KCNK13: variants seen among roughly 807,000 people sequenced by gnomAD.
The protein encoded by KCNK13 is potassium channel subfamily K member 13.
Under a neutral mutation model 23.4 loss-of-function variants are expected in KCNK13, and 12 were observed. The observed-to-expected ratio is 0.51, with a 90% confidence interval of 0.33 to 0.83. The LOEUF is 0.83. Among genes scored for constraint, KCNK13 ranks in the 40% least tolerant of loss-of-function variants. The probability of loss-of-function intolerance (pLI) is 0.02; values close to 1 mark genes in which losing one functional copy is unlikely to be tolerated. For synonymous variants in KCNK13, 231 were observed against 229.5 expected (o/e 1.01, Z -0.06); for missense variants, 463 against 556.3 (o/e 0.83, Z 1.69).
intron 1 of KCNK13, among the ~76,000 whole-genome samples, chr14:90,166,128 C>G (rs556704349): frequency 1.3e-5 from 2 of 152,298 alleles, no homozygotes; most frequent in African/African-American, 4.8e-5. Flanking sequence ...CCCCATAGTT[C>G]AGAAGTTACC....
chr14:90,129,673 A>T (rs1398030189), intron 1 of KCNK13, among the ~76,000 whole-genome samples: 1 of 152,062 alleles, frequency 6.6e-6, no homozygotes, highest in Non-Finnish European at 1.5e-5. Context: ...GAAAAGTTCC[A>T]CTGAACCACA....
chr14:90,159,510 G>A (rs1890229295), intron 1 of KCNK13, among the ~76,000 whole-genome samples: 1 of 152,160 alleles, frequency 6.6e-6, no homozygotes, highest in Non-Finnish European at 1.5e-5. Flanking sequence ...CCAGCTGCAG[G>A]AGGGCAAAGG....
chr14:90,125,319 G>A (rs1019742969), intron 1 of KCNK13, among the ~76,000 whole-genome samples: 4 of 151,660 alleles, frequency 2.6e-5, no homozygotes, highest in Non-Finnish European at 5.9e-5. Flanking sequence ...TGCCTCCTGG[G>A]TTCACACCAT....
intron 1 of KCNK13, among the ~76,000 whole-genome samples, chr14:90,127,798 G>T (rs1409052168): frequency 9.3e-6 from 1 of 107,598 alleles, no homozygotes; most frequent in African/African-American, 3.4e-5. Context: ...CAGCCTGGTA[G>T]ACAAAGCAAG....
At chr14:90,080,474 A>G (rs1464474216) in intron 1 of KCNK13, among the ~76,000 whole-genome samples, 3 of 152,046 alleles carry the variant, frequency 2.0e-5, no homozygotes, top group African/African-American at 4.8e-5. Flanking sequence ...AAATAAATAC[A>G]TTTAAAAAAT....
chr14:90,174,853 C>A (rs2140445788), intron 1 of KCNK13, among the ~76,000 whole-genome samples: 1 of 151,208 alleles, frequency 6.6e-6, no homozygotes, highest in East Asian at 1.9e-4. Flanking sequence ...GACCCTGTTT[C>A]AAAAAAATTA....
rs555167056 is a variant in KCNK13 at position 90,160,267 on chromosome 14, T to C, written c.335-23844T>C. Among the ~76,000 whole-genome samples the C allele has an allele frequency of 1.9e-3, 284 of 152,160 alleles. 1 individual carries two copies. Among genetic ancestry groups the C allele is most frequent in the African/African-American group, 6.1e-3 (253 of 41,502 alleles). On this transcript the variant is annotated intron_variant, in intron 1 of 1. Transcript: ENST00000282146. Reference sequence around the variant, plus strand: ...AACCACTTCTGCAAAGTTAATGGAGTCTTCCTGTTGCACCTGCCCTAACTC... The same window carrying C: ...AACCACTTCTGCAAAGTTAATGGAGCCTTCCTGTTGCACCTGCCCTAACTC...
rs71117323 is a variant in KCNK13 at position 90,144,495 on chromosome 14, C to CTTTTTTTTTTT, written c.335-39609_335-39599dup. On this transcript the variant is annotated intron_variant, in intron 1 of 1. Coordinates refer to ENST00000282146, the MANE Select transcript of KCNK13 (RefSeq NM_022054.4). ...GAGAATGAAGGCTGTTTTACTTTCT[C>CTTTTTTTTTTT]TTTTTTTTTTTTTTTTTGTGAGATA... Among the ~76,000 whole-genome samples, 209 of 119,196 alleles carry CTTTTTTTTTTT rather than the reference C, an allele frequency of 1.8e-3. 6 individuals carry two copies. The highest frequency in any genetic ancestry group is 2.1e-3 in the East Asian group (8 of 3,822). 78.2% of individuals were successfully genotyped at this position (119,196 alleles called of 152,430 possible).
chr14:90,149,000 T>A (rs1182077999), intron 1 of KCNK13, among the ~76,000 whole-genome samples: 1 of 152,192 alleles, frequency 6.6e-6, no homozygotes, highest in East Asian at 1.9e-4. Flanking sequence ...ATATATTGCA[T>A]GGTGTATTAG....
intron 1 of KCNK13, among the ~76,000 whole-genome samples, chr14:90,113,278 G>A (rs1489655948): frequency 2.0e-5 from 3 of 152,026 alleles, no homozygotes; most frequent in African/African-American, 7.2e-5. Flanking sequence ...TGGAAAAATT[G>A]TTGAAAGAAT....
At chr14:90,178,518 G>A (rs1199784084) in intron 1 of KCNK13, among the ~76,000 whole-genome samples, 1 of 151,776 alleles carries the variant, frequency 6.6e-6, no homozygotes, top group Non-Finnish European at 1.5e-5. Flanking sequence ...TTGAACTCCC[G>A]ACCTCAGGTG....
chr14:90,117,606 G>T (rs1225922586), intron 1 of KCNK13, among the ~76,000 whole-genome samples: 2 of 151,982 alleles, frequency 1.3e-5, no homozygotes, highest in African/African-American at 4.8e-5. Context: ...AAAAAATTAG[G>T]AATTGTTTAT....
intron 1 of KCNK13, among the ~76,000 whole-genome samples, chr14:90,140,039 G>A (rs1295938311): frequency 2.0e-5 from 3 of 152,166 alleles, no homozygotes; most frequent in Non-Finnish European, 4.4e-5. Flanking sequence ...ACTGTGGGGT[G>A]ACTGTGCAGA....
At chr14:90,133,958 A>G (rs556458619) in intron 1 of KCNK13, among the ~76,000 whole-genome samples, 2 of 152,128 alleles carry the variant, frequency 1.3e-5, no homozygotes, top group East Asian at 1.9e-4. Flanking sequence ...CTTCCCATCC[A>G]TATTCCCAGG....
intron 1 of KCNK13, among the ~76,000 whole-genome samples, chr14:90,080,471 T>C (rs372411107): frequency 3.6e-4 from 54 of 151,510 alleles, no homozygotes; most frequent in African/African-American, 9.9e-4. Flanking sequence ...AATAAATAAA[T>C]ACATTTAAAA....
intron 1 of KCNK13, among the ~76,000 whole-genome samples, chr14:90,087,133 T>TATATATATATATATACATATATATATAC (rs1889286673): frequency 9.7e-6 from 1 of 103,286 alleles, no homozygotes; most frequent in Admixed American, 1.2e-4. Flanking sequence ...TATATACATA[T>TATATATATATATATACATATATATATAC]ATATATATAT....
At chr14:90,176,431 AC>A (rs1427712434) in intron 1 of KCNK13, among the ~76,000 whole-genome samples, 1 of 149,606 alleles carries the variant, frequency 6.7e-6, no homozygotes, top group Non-Finnish European at 1.5e-5. Context: ...CCCCCACCTC[AC>A]CCCTCAAGAA....
chr14:90,077,901 C>A (rs1316752321), intron 1 of KCNK13, among the ~76,000 whole-genome samples: 3 of 152,148 alleles, frequency 2.0e-5, no homozygotes, highest in African/African-American at 4.8e-5. Flanking sequence ...AATCACGAAA[C>A]CTTTCTTTAG....
Position 90,062,372 on chromosome 14 carries a change from G to A in KCNK13, c.167G>A (p.Arg56His). 16 of 1,554,080 alleles carry A rather than the reference G, an allele frequency of 1.0e-5. No homozygotes were observed. Among genetic ancestry groups the A allele is most frequent in the Non-Finnish European group, 1.4e-5 (16 of 1,150,748 alleles). Reference protein sequence around the residue: ...ERQAKQRWEERLANFSRGHNL... With the variant: ...ERQAKQRWEEHLANFSRGHNL... Reference sequence around the variant, plus strand: ...CAGGCCAAGCAGCGCTGGGAGGAGCGCCTGGCCAACTTCAGCCGCGGCCAC... The same window carrying A: ...CAGGCCAAGCAGCGCTGGGAGGAGCACCTGGCCAACTTCAGCCGCGGCCAC... Residue 56 changes from arginine to histidine, a missense_variant, in exon 1 of 2, where the codon CGC becomes CAC. By Grantham distance (29) the Arg-to-His change is conservative. Around this residue, in one of 3 missense-constraint regions of KCNK13, gnomAD observed 153 missense variants for 153.6 expected, o/e 1.00. Coordinates refer to ENST00000282146, the MANE Select transcript of KCNK13 (RefSeq NM_022054.4). This position sits in a 1 kb window ranked among gnomAD's most constrained non-coding sequence, Gnocchi z 4.5.
Sources: gnomAD v4.1 joint callset for allele counts (sites outside exome capture counted in the v4.1 genomes callset) on GRCh38, gnomAD v4.1.1 for gene constraint, gnomAD v4.1.1 regional missense constraint, Gnocchi (gnomAD v3.1) non-coding constraint, MANE v1.5 for transcripts, NCBI Gene and HGNC (gene_info 2026-07-23, HGNC 2026-07-21) for gene names.